The following COBL variants were observed in gnomAD, a reference collection of about 807,000 sequenced individuals.
COBL encodes protein cordon-bleu.
A neutral mutation model predicts 98.8 loss-of-function variants in COBL; 51 were observed. That is an observed-to-expected ratio of 0.52 (90% CI 0.41 to 0.65). The LOEUF (loss-of-function observed/expected upper bound fraction) is 0.65. Among genes scored for constraint, COBL ranks in the 30% least tolerant of loss-of-function variants. The probability of loss-of-function intolerance (pLI) is 0.00; values close to 1 mark genes in which losing one functional copy is unlikely to be tolerated. For synonymous variants in COBL, 634 were observed against 651.7 expected, an observed-to-expected ratio of 0.97 and a Z score of 0.41; for missense variants, 1,617 against 1,617.5, an observed-to-expected ratio of 1.00 and a Z score of 0.01.
rs575029573 is a variant in COBL at position 51,152,458 on chromosome 7, A to G, written c.784-16127T>C. On this transcript the variant is annotated intron_variant, in intron 5 of 12. Coordinates refer to ENST00000265136, the MANE Select transcript of COBL (RefSeq NM_015198.5). The stretch of plus-strand genomic sequence containing the variant: ...CCAAGCTGCCGACTCCCACATTTAC[A>G]TTTACAGGGCTGATTGCATTTTTAT... Among the ~76,000 whole-genome samples the G allele has an allele frequency of 7.2e-5, 11 of 152,204 alleles. No homozygotes were observed. In the East Asian group the frequency reaches 1.9e-3, roughly 27 times the overall value.
intron 7 of COBL, among the ~76,000 whole-genome samples, chr7:51,077,676 C>G (rs1211156470): frequency 6.6e-6 from 1 of 152,192 alleles, no homozygotes; most frequent in East Asian, 1.9e-4. Flanking sequence ...ATGAACACAC[C>G]TCTTACTACA....
chr7:51,061,954 C>CACACACACACACAT (rs1554364737), intron 7 of COBL, among the ~76,000 whole-genome samples: 34 of 40,526 alleles, frequency 8.4e-4, no homozygotes, highest in African/African-American at 1.3e-3. Context: ...CATAGATACA[C>CACACACACACACAT]ACACACACAC....
chr7:51,170,523 ATATATAT>A (rs1787756488), intron 5 of COBL, among the ~76,000 whole-genome samples: 3 of 146,984 alleles, frequency 2.0e-5, no homozygotes, highest in South Asian at 4.2e-4. Flanking sequence ...ATATATATAT[ATATATAT>A]AAATATATAT....
chr7:51,100,465 T>C (rs1164358288), intron 6 of COBL, among the ~76,000 whole-genome samples: 1 of 152,204 alleles, frequency 6.6e-6, no homozygotes, highest in East Asian at 1.9e-4. Flanking sequence ...CTTGGGGACT[T>C]GCTTTGTTCT....
At chr7:51,292,300 G>A (rs965413702) in intron 1 of COBL, among the ~76,000 whole-genome samples, 3 of 152,128 alleles carry the variant, frequency 2.0e-5, no homozygotes, top group African/African-American at 7.2e-5. Context: ...CCCACTGAAT[G>A]GAATGAAATG....
chr7:51,063,239 A>G (rs200979686), intron 7 of COBL, among the ~76,000 whole-genome samples: 1 of 151,292 alleles, frequency 6.6e-6, no homozygotes, highest in East Asian at 1.9e-4. Flanking sequence ...GGTTCAAGCA[A>G]TTCTCCTGCC....
intron 6 of COBL, among the ~76,000 whole-genome samples, chr7:51,090,787 G>A (rs759410872): frequency 3.9e-5 from 6 of 152,236 alleles, no homozygotes; most frequent in Non-Finnish European, 8.8e-5. Context: ...TTCTGTCTCA[G>A]TTGACCAGGA....
intron 1 of COBL, among the ~76,000 whole-genome samples, chr7:51,300,751 C>A (rs746669731): frequency 6.6e-6 from 1 of 152,148 alleles, no homozygotes; most frequent in African/African-American, 2.4e-5. Context: ...ACGGAGCCTG[C>A]CACCGCACTC....
intron 2 of COBL, among the ~76,000 whole-genome samples, chr7:51,210,374 T>C (rs1036903966): frequency 7.9e-5 from 12 of 152,318 alleles, no homozygotes; most frequent in Admixed American, 5.9e-4. Flanking sequence ...CTTAAGTTAC[T>C]TGCAGGGCAC....
At chr7:51,036,468 T>C (rs1389053045) in intron 8 of COBL, among the ~76,000 whole-genome samples, 1 of 151,802 alleles carries the variant, frequency 6.6e-6, no homozygotes, top group Admixed American at 6.6e-5. Context: ...TGGTGCCAAA[T>C]GTTTCTAAAT....
intron 6 of COBL, among the ~76,000 whole-genome samples, chr7:51,111,058 T>C (rs1796778249): frequency 6.6e-6 from 1 of 152,234 alleles, no homozygotes; most frequent in African/African-American, 2.4e-5. Flanking sequence ...TGCCCAGTAG[T>C]GGGATTGCTG....
chr7:51,161,185 G>C (rs1786767523), intron 5 of COBL, among the ~76,000 whole-genome samples: 1 of 152,074 alleles, frequency 6.6e-6, no homozygotes, highest in Non-Finnish European at 1.5e-5. Context: ...GCTCGCGAGG[G>C]GATTTGCTGT....
chr7:51,266,830 C>A (rs1310090268), intron 1 of COBL, among the ~76,000 whole-genome samples: 1 of 152,040 alleles, frequency 6.6e-6, no homozygotes, highest in Admixed American at 6.6e-5. Flanking sequence ...TTGAGATAAC[C>A]CAATTCAGGG....
In COBL at chr7:51,194,161, T is replaced by C. The variant is rs555486959; in HGVS notation, c.246-572A>G. ...GTTGTTGTTCCCCTCTATGTGTCCA[T>C]GTGTTGACATCATTTAGCTCCCACC... is the stretch of plus-strand genomic sequence containing the variant. On this transcript the variant is annotated intron_variant, in intron 2 of 12. Coordinates refer to ENST00000265136, the MANE Select transcript of COBL (RefSeq NM_015198.5). Among the ~76,000 whole-genome samples the C allele has an allele frequency of 3.0e-4, 45 of 152,294 alleles. 1 individual carries two copies. Among genetic ancestry groups the C allele is most frequent in the South Asian group, 2.7e-3 (13 of 4,820 alleles).
Position 51,312,612 on chromosome 7 carries a change from CA to C in COBL, c.41+3980del, listed in dbSNP as rs1803165860. 2.0e-5 allele frequency among the ~76,000 whole-genome samples: 3 copies of C among 152,242 alleles called. No homozygotes were observed. The South Asian group carries it at 6.2e-4, about 32-fold the overall frequency. On this transcript the variant is annotated intron_variant, in intron 1 of 12. Coordinates refer to ENST00000265136, the MANE Select transcript of COBL (RefSeq NM_015198.5). ...ATAATCATTGTTTTCTTAATAATTA[CA>C]GGAGCACTTGCGTGGACACAGATTA...
intron 11 of COBL, among the ~76,000 whole-genome samples, chr7:51,026,263 T>G (rs960434484): frequency 6.6e-6 from 1 of 152,188 alleles, no homozygotes; most frequent in Non-Finnish European, 1.5e-5. Flanking sequence ...CCAAGTGAAT[T>G]TGGAAAAGTG....
intron 1 of COBL, among the ~76,000 whole-genome samples, chr7:51,279,342 A>G (rs969914744): frequency 1.1e-4 from 16 of 152,272 alleles, no homozygotes; most frequent in Non-Finnish European, 1.9e-4. Context: ...TCCAACGTGC[A>G]TTATACTTTC....
rs1020758394 is a variant in COBL at position 51,054,145 on chromosome 7, C to G, written c.1097-10453G>C. 8.5e-5 allele frequency among the ~76,000 whole-genome samples: 13 copies of G among 152,348 alleles called. No homozygotes were observed. The East Asian group carries it at 1.7e-3, about 20-fold the overall frequency. ...GCAGTGAGCTGGGATCGTGCTGCAACTGCACTCCAGCCTAGGGGACAGAGT... is the reference window on the plus strand; with the variant it reads ...GCAGTGAGCTGGGATCGTGCTGCAAGTGCACTCCAGCCTAGGGGACAGAGT... On this transcript the variant is annotated intron_variant, in intron 7 of 12. Coordinates refer to ENST00000265136, the MANE Select transcript of COBL (RefSeq NM_015198.5).
At chr7:51,018,492 T>A (rs1293578066) in intron 12 of COBL, 4 of 152,230 alleles carry the variant, frequency 2.6e-5, no homozygotes, top group African/African-American at 9.7e-5. Context: ...TCTCGGGCCC[T>A]CTTCCTGAAC....
Sources: gnomAD v4.1 joint callset for allele counts (sites outside exome capture counted in the v4.1 genomes callset) on GRCh38, gnomAD v4.1.1 for gene constraint, MANE v1.5 for transcripts, NCBI Gene and HGNC (gene_info 2026-07-23, HGNC 2026-07-21) for gene names.